The following MUC4 variants were observed in gnomAD, a reference collection of about 807,000 sequenced individuals.
MUC4 encodes mucin-4.
Under a neutral mutation model 257.9 loss-of-function variants are expected in MUC4, and 202 were observed. The observed-to-expected ratio is 0.78, with a 90% confidence interval of 0.70 to 0.88. The LOEUF (loss-of-function observed/expected upper bound fraction) is 0.88. Ranked by LOEUF, MUC4 falls within the 40% of genes least tolerant of loss-of-function variation. The pLI, the probability that MUC4 is intolerant of heterozygous loss-of-function variation, is 0.00. For missense variants in MUC4, 5,976 were observed against 6,513.7 expected (o/e 0.92, Z 2.84); for synonymous variants, 2,351 against 2,757.1 (o/e 0.85, Z 4.62).
Position 195,790,330 on chromosome 3 carries a change from G to C in MUC4, c.1250C>G (p.Thr417Ser). 6.2e-7 allele frequency: 1 copy of C among 1,613,888 alleles called. No individual in the cohort carries two copies. The highest frequency in any genetic ancestry group is 2.2e-5 in the East Asian group (1 of 44,888). ...TEETSLSVSG[T>S]ISAITSKVST... Reference sequence around the variant, plus strand: ...AACTTTGGAAGTGATTGCAGAAATGGTTCCACTTACAGATAGTGATGTCTC... The same window carrying C: ...AACTTTGGAAGTGATTGCAGAAATGCTTCCACTTACAGATAGTGATGTCTC... Residue 417 changes from threonine (T) to serine (S), a missense_variant, in exon 2 of 25, where the codon ACC (threonine) becomes AGC (serine). Physicochemically the swap from Thr to Ser is moderately conservative, Grantham distance 58. Around this residue, in one of 44 missense-constraint regions of MUC4, gnomAD observed 1,583 missense variants for 1,257.4 expected, o/e 1.26. Coordinates refer to ENST00000463781, the MANE Select transcript of MUC4 (RefSeq NM_018406.7).
chr3:195,795,177 T>G (rs1177884597), intron 1 of MUC4, among the ~76,000 whole-genome samples: 1 of 152,210 alleles, frequency 6.6e-6, no homozygotes, highest in African/African-American at 2.4e-5. Flanking sequence ...TTCATTTCCC[T>G]GATAACATAA....
chr3:195,748,826 T>C, intron 24 of MUC4, 76 bp downstream of exon 24: 1 of 1,457,998 alleles, frequency 6.9e-7, no homozygotes, highest in African/African-American at 1.4e-5. Flanking sequence ...TCCTAATTCC[T>C]GGACCCCTTG....
In MUC4 at chr3:195,788,659, G is replaced by T; in HGVS notation, c.2921C>A (p.Ala974Asp). Residue 974 changes from alanine to aspartate, a missense_variant, in exon 2 of 25, where the codon GCC becomes GAC. Ala to Asp is a moderately radical substitution (Grantham distance 126). Around this residue, in one of 44 missense-constraint regions of MUC4, gnomAD observed 1,583 missense variants for 1,257.4 expected, o/e 1.26. Coordinates refer to ENST00000463781, the MANE Select transcript of MUC4 (RefSeq NM_018406.7). Reference sequence around the variant, plus strand: ...AGCGTAGGTGACAGGAAGAGGGGTGGCGTTGCTGATGAGGGCCGTGGTGAA... The same window carrying T: ...AGCGTAGGTGACAGGAAGAGGGGTGTCGTTGCTGATGAGGGCCGTGGTGAA... ...KTFTTALISN[A>D]TPLPVTYASS... The T allele has an allele frequency of 1.2e-6, 2 of 1,611,488 alleles. No homozygotes were observed. Among genetic ancestry groups the T allele is most frequent in the South Asian group, 2.2e-5 (2 of 90,586 alleles).
At chr3:195,751,978 C>T in intron 21 of MUC4, 1 of 260,866 alleles carries the variant, frequency 3.8e-6, no homozygotes, top group Admixed American at 4.7e-5. Flanking sequence ...GATTCTACAG[C>T]CCCAACCACT....
At chr3:195,801,358 C>G (rs1297034795) in intron 1 of MUC4, among the ~76,000 whole-genome samples, 1 of 152,040 alleles carries the variant, frequency 6.6e-6, no homozygotes, top group Non-Finnish European at 1.5e-5. Context: ...CCGTGACCCT[C>G]CATTTTCTAC....
Position 195,765,040 on chromosome 3 carries a change from T to C in MUC4, c.13881A>G (p.Gly4627=). The C allele has an allele frequency of 6.2e-7, 1 of 1,613,702 alleles. No homozygotes were observed. The highest frequency in any genetic ancestry group is 8.5e-7 in the Non-Finnish European group (1 of 1,179,940). The stretch of plus-strand genomic sequence containing the variant: ...GCACGTGCCAGCCTTCACGAAACTC[T>C]CCCCAGGGCCCGTAGCTGCAGCACA... ...GGVCCSYGPW[G]EFREGWHVQR... The change falls in exon 10 of 25, where the codon GGA becomes GGG. Residue 4627 remains glycine, a synonymous_variant. Transcript: ENST00000463781.
rs953732696 is a variant in MUC4 at position 195,761,687 on chromosome 3, C to A, written c.14513-102G>T. On this transcript the variant is annotated intron_variant, in intron 14 of 24. Coordinates refer to ENST00000463781, the MANE Select transcript of MUC4 (RefSeq NM_018406.7). The stretch of plus-strand genomic sequence containing the variant: ...TGGGGAGAGGCCAGGGCCTGGCAGC[C>A]TCTGCTCTTGCACCTGCTGTCAGGC... The A allele has an allele frequency of 3.3e-6, 3 of 897,930 alleles. No homozygotes were observed. The South Asian group carries it at 4.5e-5, about 13-fold the overall frequency. The allele number at this position is 897,930 out of a possible 1,614,324, so 55.6% of individuals were successfully genotyped here. A position where few individuals can be genotyped will look rare whatever the true frequency, so the allele number is the denominator to read the frequency against.
rs1728765303 is a variant in MUC4 at position 195,782,604 on chromosome 3, AAGGGT to A, written c.8971_8975del (p.Thr2991SerfsTer109). 1.1e-6 allele frequency: 1 copy of A among 921,648 alleles called. No homozygotes were observed. The highest frequency in any genetic ancestry group is 1.8e-5 in the African/African-American group (1 of 55,530). The allele number at this position is 921,648 out of a possible 1,614,324, so 57.1% of individuals were successfully genotyped here. A position where few individuals can be genotyped will look rare whatever the true frequency, so the allele number is the denominator to read the frequency against. ...CTGAGGAAGTGTCGGTGACAGGAAG[AAGGGT>A]GGCGTGACCTGTGGATGCTGAGGAA... On this transcript the variant is annotated frameshift_variant, in exon 2 of 25. Coordinates refer to ENST00000463781, the MANE Select transcript of MUC4 (RefSeq NM_018406.7). LOFTEE classifies it high-confidence loss of function.
At position 195,811,919 on chromosome 3, in the gene MUC4, G is replaced by T; in HGVS notation, c.-102C>A. The T allele has an allele frequency of 8.5e-7, 1 of 1,178,150 alleles. No homozygotes were observed. The highest frequency in any genetic ancestry group is 1.2e-6 in the Non-Finnish European group (1 of 825,396). 73.0% of individuals were successfully genotyped at this position (1,178,150 alleles called of 1,614,324 possible). A position where few individuals can be genotyped will look rare whatever the true frequency, so the allele number is the denominator to read the frequency against. On this transcript the variant is annotated 5_prime_UTR_variant, in exon 1 of 25. Transcript: ENST00000463781. ...GCCCGTCCCCTCAGGCGGCTGGCCC[G>T]AACCAAGTGCGTTTCTCCGAAGGGG... is the stretch of plus-strand genomic sequence containing the variant.
chr3:195,764,001 C>A, intron 11 of MUC4, 44 bp downstream of exon 11: 1 of 1,581,956 alleles, frequency 6.3e-7, no homozygotes, highest in Non-Finnish European at 8.6e-7. Context: ...CCAGAAGCTC[C>A]CCCTCCCCAG....
rs3749331 is a variant in MUC4, at chr3:195,789,434, C to T, written c.2146G>A (p.Ala716Thr). The T allele has an allele frequency of 0.16, 262,951 of 1,613,774 alleles. 22,468 individuals carry two copies. Among genetic ancestry groups the T allele is most frequent in the Middle Eastern group, 0.19 (1,136 of 6,062 alleles). The change falls in exon 2 of 25, where the codon GCA (alanine) becomes ACA (threonine). Residue 716 changes from alanine to threonine, a missense_variant. This residue lies in a region of MUC4 where 1,583 missense variants were observed against 1,257.4 expected (regional missense o/e 1.26). Transcript: ENST00000463781. ...TQAPTTALQA[A>T]PSSHDATLGP... ...AGGGTGGCATCATGGCTGCTGGGTGCTGCCTGCAGTGCTGTGGTCGGGGCC... is the reference window on the plus strand; with the variant it reads ...AGGGTGGCATCATGGCTGCTGGGTGTTGCCTGCAGTGCTGTGGTCGGGGCC...
chr3:195,770,259 G>A lies in MUC4; in HGVS notation c.13355C>T (p.Thr4452Met), dbSNP rs1386932761. ...GYKARWALKV[T>M]WVNAHAYPAQ... Reference sequence around the variant, plus strand: ...AGGATAGGCGTGGGCATTGACCCACGTGACCTTTAGGGCCCACCTGGCCTT... The same window carrying A: ...AGGATAGGCGTGGGCATTGACCCACATGACCTTTAGGGCCCACCTGGCCTT... The change falls in exon 6 of 25, where the codon ACG becomes ATG. Residue 4452 changes from threonine to methionine, a missense_variant. Transcript: ENST00000463781. 1.3e-5 allele frequency: 21 copies of A among 1,613,630 alleles called. No homozygotes were observed. The highest frequency in any genetic ancestry group is 2.2e-5 in the East Asian group (1 of 44,882).
chr3:195,756,864 T>C (rs1347773323), intron 18 of MUC4, among the ~76,000 whole-genome samples: 1 of 152,100 alleles, frequency 6.6e-6, no homozygotes, highest in Non-Finnish European at 1.5e-5. Flanking sequence ...GGTTTCACCA[T>C]GTTGGTCAGG....
chr3:195,753,465 C>A, intron 19 of MUC4: 1 of 535,786 alleles, frequency 1.9e-6, no homozygotes, highest in South Asian at 2.6e-5. Context: ...GTTTCTCAGA[C>A]CCTCTGCTTC....
intron 3 of MUC4, among the ~76,000 whole-genome samples, chr3:195,774,814 T>C (rs1240706214): frequency 2.0e-5 from 3 of 150,148 alleles, no homozygotes; most frequent in East Asian, 4.0e-4. Context: ...GCAGGAGAAT[T>C]GCTTGAACCC....
chr3:195,789,295 GT>G lies in MUC4; in HGVS notation c.2284del (p.Thr762ProfsTer9). Reference protein sequence around the residue: ...EGQWTSASASTSPDTAAAMTH... With the variant: ...EGQWTSASASXSPDTAAAMTH... Reference sequence around the variant, plus strand: ...CATGGCTGCTGCTGTGTCAGGTGAGGTGCTGGCAGAGGCTGATGTCCATTGT... The same window carrying G: ...CATGGCTGCTGCTGTGTCAGGTGAGGGCTGGCAGAGGCTGATGTCCATTGT... On this transcript the variant is annotated frameshift_variant, in exon 2 of 25. Transcript: ENST00000463781. LOFTEE classifies it high-confidence loss of function. The G allele has an allele frequency of 6.2e-7, 1 of 1,613,936 alleles. No individual in the cohort carries two copies. The highest frequency in any genetic ancestry group is 2.2e-5 in the East Asian group (1 of 44,878).
In MUC4 at chr3:195,755,402, C is replaced by G. The variant is rs1220133870; in HGVS notation, c.15169-1030G>C. 2.6e-5 allele frequency among the ~76,000 whole-genome samples: 4 copies of G among 152,048 alleles called. No homozygotes were observed. Among genetic ancestry groups the G allele is most frequent in the Non-Finnish European group, 5.9e-5 (4 of 68,010 alleles). Reference sequence around the variant, plus strand: ...GTAGAGACAGGGTCTTGCCATATTGCCCAGGCTGGTCTCAAAGTCCTGAGC... The same window carrying G: ...GTAGAGACAGGGTCTTGCCATATTGGCCAGGCTGGTCTCAAAGTCCTGAGC... On this transcript the variant is annotated intron_variant, in intron 18 of 24. Coordinates refer to ENST00000463781, the MANE Select transcript of MUC4 (RefSeq NM_018406.7). The surrounding 1 kb of genome is among the most constrained non-coding windows in gnomAD (Gnocchi z 5.0).
intron 7 of MUC4, among the ~76,000 whole-genome samples, chr3:195,767,561 TTG>T (rs1721107446): frequency 5.3e-5 from 1 of 18,760 alleles, no homozygotes; most frequent in East Asian, 4.3e-3. Flanking sequence ...ACCATTACCA[TTG>T]CCACCACCAT....
At chr3:195,770,450 A>G in intron 5 of MUC4, 79 bp from the exon 6 acceptor site, 1 of 1,544,312 alleles carries the variant, frequency 6.5e-7, no homozygotes, top group Admixed American at 1.8e-5. Flanking sequence ...CTGCCTGAGG[A>G]CCCTGCCCAC....
Sources: gnomAD v4.1 joint callset for allele counts (sites outside exome capture counted in the v4.1 genomes callset) on GRCh38, gnomAD v4.1.1 for gene constraint, gnomAD v4.1.1 regional missense constraint, Gnocchi (gnomAD v3.1) non-coding constraint, MANE v1.5 for transcripts, NCBI Gene and HGNC (gene_info 2026-07-23, HGNC 2026-07-21) for gene names.